The following NME7 variants were observed in gnomAD, a reference collection of about 807,000 sequenced individuals.
NME7 encodes the protein NME/NM23 family member 7.
In NME7, 41 loss-of-function variants were observed where a neutral mutation model predicts 49.1. The observed-to-expected ratio is 0.83, with a 90% confidence interval of 0.65 to 1.08. The LOEUF (loss-of-function observed/expected upper bound fraction) is 1.08, where lower values mean the gene tolerates loss of function less well. Among genes scored for constraint, NME7 ranks in the 50% least tolerant of loss-of-function variants. The pLI, the probability that NME7 is intolerant of heterozygous loss-of-function variation, is 0.00. For synonymous variants in NME7, 139 were observed against 150.6 expected (o/e 0.92, Z 0.56); for missense variants, 423 against 463.4 (o/e 0.91, Z 0.80).
Position 169,258,632 on chromosome 1 carries a change from T to C in NME7, c.755-20945A>G, listed in dbSNP as rs536990864. 3.4e-4 allele frequency among the ~76,000 whole-genome samples: 44 copies of C among 131,260 alleles called. 6 individuals carry two copies. Among genetic ancestry groups the C allele is most frequent in the African/African-American group, 1.1e-3 (42 of 38,976 alleles). The allele number at this position is 131,260 out of a possible 152,430, so 86.1% of individuals were successfully genotyped here. A position where few individuals can be genotyped will look rare whatever the true frequency, so the allele number is the denominator to read the frequency against. Reference sequence around the variant, plus strand: ...TCCCTCAGCACTGGCAAGGCTTATATTGCCATTCATAGATAGACTTAAAAA... The same window carrying C: ...TCCCTCAGCACTGGCAAGGCTTATACTGCCATTCATAGATAGACTTAAAAA... On this transcript the variant is annotated intron_variant, in intron 7 of 11. Transcript: ENST00000367811.
At chr1:169,244,635 C>CA (rs71121747) in intron 7 of NME7, among the ~76,000 whole-genome samples, 39,042 of 84,950 alleles carry the variant, frequency 0.46, 7,934 homozygotes, top group Non-Finnish European at 0.52. Flanking sequence ...GACTCCATCT[C>CA]AAAAAAAAAA....
intron 10 of NME7, among the ~76,000 whole-genome samples, chr1:169,182,510 T>C (rs900229313): frequency 6.6e-6 from 1 of 152,190 alleles, no homozygotes; most frequent in Admixed American, 6.5e-5. Context: ...TGTTACCAAG[T>C]CACACAGATT....
chr1:169,361,426 T>C (rs1653649128), intron 1 of NME7, among the ~76,000 whole-genome samples: 1 of 152,204 alleles, frequency 6.6e-6, no homozygotes, highest in Non-Finnish European at 1.5e-5. Flanking sequence ...TGTGGATCTT[T>C]GGAACTGCAA....
At chr1:169,236,721 C>CTTTTTTTTTTT (rs111598142) in intron 8 of NME7, among the ~76,000 whole-genome samples, 3 of 145,330 alleles carry the variant, frequency 2.1e-5, no homozygotes, top group Non-Finnish European at 3.0e-5. Flanking sequence ...AACTATTTCC[C>CTTTTTTTTTTT]TTTTTTTTTT....
chr1:169,244,269 G>A (rs1014690145), intron 7 of NME7, among the ~76,000 whole-genome samples: 17 of 151,896 alleles, frequency 1.1e-4, no homozygotes, highest in Middle Eastern at 3.4e-3. Context: ...AGAAAAAGGA[G>A]GAAAAAAAGA....
intron 1 of NME7, among the ~76,000 whole-genome samples, chr1:169,355,049 TA>T (rs1653353794): frequency 6.4e-5 from 5 of 77,834 alleles, no homozygotes; most frequent in African/African-American, 1.6e-4. Context: ...ATAGATATAA[TA>T]TATAATATAC....
chr1:169,321,092 T>G lies in NME7; in HGVS notation c.278+2025A>C, dbSNP rs146940131. ...TGGTTGTTATTTTATTTTTCTTAGG[T>G]CAGACTGTTAACCCTGACTCCCTAA... is the stretch of plus-strand genomic sequence containing the variant. On this transcript the variant is annotated intron_variant, in intron 3 of 11. Coordinates refer to ENST00000367811, the MANE Select transcript of NME7 (RefSeq NM_013330.5). Among the ~76,000 whole-genome samples, 1,048 of 152,322 alleles carry G rather than the reference T, an allele frequency of 6.9e-3. 36 individuals carry two copies. The East Asian group carries it at 0.08, about 12-fold the overall frequency.
intron 1 of NME7, among the ~76,000 whole-genome samples, chr1:169,355,021 AATTATAT>A (rs1219387431): frequency 2.3e-5 from 1 of 43,220 alleles, no homozygotes; most frequent in Non-Finnish European, 5.5e-5. Context: ...TATATAATAT[AATTATAT>A]ATTATATATT....
chr1:169,258,401 TATATAC>T lies in NME7; in HGVS notation c.755-20720_755-20715del, dbSNP rs1216966463. ...ATATATATATATATATATATATATA[TATATAC>T]ACACACACACACACACATACACACA... On this transcript the variant is annotated intron_variant, in intron 7 of 11. Transcript: ENST00000367811. Among the ~76,000 whole-genome samples the T allele has an allele frequency of 1.1e-3, 78 of 68,526 alleles. 4 individuals are homozygous for T. The highest frequency in any genetic ancestry group is 2.0e-3 in the African/African-American group (37 of 18,126). The allele number at this position is 68,526 out of a possible 152,430, so 45.0% of individuals were successfully genotyped here. A position where few individuals can be genotyped will look rare whatever the true frequency, so the allele number is the denominator to read the frequency against.
intron 1 of NME7, among the ~76,000 whole-genome samples, chr1:169,341,305 C>T (rs934540233): frequency 3.3e-5 from 5 of 152,262 alleles, no homozygotes; most frequent in Admixed American, 1.3e-4. Flanking sequence ...CCTTGGCAGC[C>T]GACACATGGT....
chr1:169,225,408 C>A (rs576277035), intron 10 of NME7, among the ~76,000 whole-genome samples: 25 of 152,244 alleles, frequency 1.6e-4, no homozygotes, highest in Admixed American at 1.4e-3. Context: ...CTGCTCGGTC[C>A]AGTTTGACGT....
intron 1 of NME7, among the ~76,000 whole-genome samples, chr1:169,338,362 A>C (rs1159431541): frequency 6.6e-6 from 1 of 152,200 alleles, no homozygotes; most frequent in Non-Finnish European, 1.5e-5. Flanking sequence ...GAACACAAAC[A>C]CCTGTATTTC....
At chr1:169,298,231 T>C (rs1048552708) in intron 6 of NME7, among the ~76,000 whole-genome samples, 14 of 152,190 alleles carry the variant, frequency 9.2e-5, no homozygotes, top group African/African-American at 3.4e-4. Flanking sequence ...CTTTTTAATA[T>C]CTACTAGCCA....
At chr1:169,251,633 A>T (rs34829200) in intron 7 of NME7, among the ~76,000 whole-genome samples, 1 of 139,184 alleles carries the variant, frequency 7.2e-6, no homozygotes, top group Non-Finnish European at 1.6e-5. Flanking sequence ...ATATGTATAC[A>T]TGTGCCATGC....
intron 1 of NME7, among the ~76,000 whole-genome samples, chr1:169,344,450 C>T (rs1652886683): frequency 6.6e-6 from 1 of 152,164 alleles, no homozygotes; most frequent in Non-Finnish European, 1.5e-5. Flanking sequence ...CACATCCTAG[C>T]CTTGTTCCCA....
chr1:169,298,732 TAG>T lies in NME7; in HGVS notation c.470_471del (p.Pro157HisfsTer10), dbSNP rs1192796820. 6.2e-7 allele frequency: 1 copy of T among 1,613,788 alleles called. No homozygotes were observed. Among genetic ancestry groups the T allele is most frequent in the Non-Finnish European group, 8.5e-7 (1 of 1,179,820 alleles). ...NELIQFITTG[P>X]IIAMEILRDD... is the part of the protein sequence containing the mutation. ...TCTCTTAAAATCTCCATGGCAATAA[TAG>T]GACCAGTTGTAATAAACTGGATCAG... On this transcript the variant is annotated frameshift_variant, in exon 6 of 12. Coordinates refer to ENST00000367811, the MANE Select transcript of NME7 (RefSeq NM_013330.5). LOFTEE classifies it high-confidence loss of function.
At chr1:169,235,393 C>T (rs964619420) in intron 8 of NME7, among the ~76,000 whole-genome samples, 194 bp from the exon 9 acceptor site, 6 of 152,148 alleles carry the variant, frequency 3.9e-5, no homozygotes, top group African/African-American at 1.4e-4. Flanking sequence ...CAGCATCACT[C>T]TAGGTTCTAT....
intron 1 of NME7, among the ~76,000 whole-genome samples, chr1:169,364,924 C>A (rs1269888905): frequency 6.6e-6 from 1 of 152,170 alleles, no homozygotes; most frequent in African/African-American, 2.4e-5. Context: ...CCTTGCTTTT[C>A]TATAATTTCT....
intron 7 of NME7, among the ~76,000 whole-genome samples, chr1:169,245,171 T>G (rs561447293): frequency 6.6e-6 from 1 of 151,800 alleles, no homozygotes; most frequent in Non-Finnish European, 1.5e-5. Context: ...CAGAAAATCA[T>G]AGTATCTATC....
Sources: allele counts gnomAD v4.1 joint callset (sites outside exome capture counted in the v4.1 genomes callset), GRCh38; gene constraint gnomAD v4.1.1; transcripts MANE v1.5; gene names NCBI Gene and HGNC (gene_info 2026-07-23, HGNC 2026-07-21).